The following HSD17B14 variants were observed in gnomAD, a reference collection of about 807,000 sequenced individuals.
HSD17B14 encodes hydroxysteroid 17-beta dehydrogenase 14, also known as L-fucose dehydrogenase.
A neutral mutation model predicts 32.2 loss-of-function variants in HSD17B14; 32 were observed. The ratio of observed to expected loss-of-function variants is 0.99; its 90% CI spans 0.75 to 1.33. HSD17B14 has a LOEUF of 1.33. Among genes scored for constraint, HSD17B14 ranks in the 40% most tolerant of loss-of-function variants. HSD17B14 has a pLI of 0.00. For synonymous variants in HSD17B14, 140 were observed against 155.4 expected (o/e 0.90, Z 0.74); for missense variants, 370 against 366.5 (o/e 1.01, Z -0.08).
At chr19:48,825,911 C>T (rs918621228) in intron 5 of HSD17B14, among the ~76,000 whole-genome samples, 5 of 152,100 alleles carry the variant, frequency 3.3e-5, no homozygotes, top group Non-Finnish European at 5.9e-5. Context: ...AGCTCCGCCT[C>T]CTGGGTTCAC....
chr19:48,820,527 G>T (rs1254477811), intron 5 of HSD17B14, among the ~76,000 whole-genome samples: 1 of 151,448 alleles, frequency 6.6e-6, no homozygotes, highest in Non-Finnish European at 1.5e-5. Context: ...AGGACTGAAT[G>T]GATAGATTTT....
chr19:48,835,580 G>A (rs2035482460), intron 2 of HSD17B14, among the ~76,000 whole-genome samples: 1 of 148,236 alleles, frequency 6.7e-6, no homozygotes, highest in Admixed American at 6.7e-5. Flanking sequence ...TGGGTCTGAG[G>A]GAGGAGGGGC....
intron 2 of HSD17B14, among the ~76,000 whole-genome samples, chr19:48,835,373 G>GCC (rs2035470248): frequency 1.6e-5 from 2 of 122,884 alleles, no homozygotes; most frequent in Admixed American, 1.6e-4. Context: ...AGGAGGGGCT[G>GCC]AGGTCTGGAC....
chr19:48,817,268 C>G (rs1050122182), intron 5 of HSD17B14, among the ~76,000 whole-genome samples: 3 of 151,862 alleles, frequency 2.0e-5, no homozygotes, highest in African/African-American at 7.3e-5. Flanking sequence ...ACCTCCTCCC[C>G]CCAGGTTCAA....
chr19:48,830,541 G>A (rs115358857), intron 5 of HSD17B14, among the ~76,000 whole-genome samples: 2,343 of 152,104 alleles, frequency 0.015, 59 homozygotes, highest in African/African-American at 0.053. Flanking sequence ...AATTTTGAGC[G>A]CTAGCCGTCT....
intron 5 of HSD17B14, among the ~76,000 whole-genome samples, chr19:48,822,345 T>G (rs144872013): frequency 5.8e-5 from 7 of 119,816 alleles, no homozygotes; most frequent in Non-Finnish European, 9.0e-5. Context: ...ATGATGGTGG[T>G]GATGATGGTG....
intron 5 of HSD17B14, among the ~76,000 whole-genome samples, chr19:48,828,097 G>A (rs921154443): frequency 9.2e-5 from 14 of 151,810 alleles, no homozygotes; most frequent in Admixed American, 2.6e-4. Flanking sequence ...CTCGTGATCC[G>A]CCGGCCTCGG....
At chr19:48,831,645 G>A (rs748943820) in intron 5 of HSD17B14, 23 bp downstream of exon 5, 1 of 1,580,256 alleles carries the variant, frequency 6.3e-7, no homozygotes, top group South Asian at 1.1e-5. Flanking sequence ...CTCGGGCCTG[G>A]CGGCAGGGTC....
intron 5 of HSD17B14, among the ~76,000 whole-genome samples, chr19:48,827,878 G>A (rs1363844354): frequency 2.4e-4 from 28 of 115,644 alleles, no homozygotes; most frequent in South Asian, 5.3e-4. Flanking sequence ...TTTTTGAGAC[G>A]GAGTCTCGCT....
intron 5 of HSD17B14, among the ~76,000 whole-genome samples, chr19:48,827,135 T>G (rs2035264526): frequency 6.6e-6 from 1 of 151,136 alleles, no homozygotes; most frequent in African/African-American, 2.4e-5. Context: ...CTCTGCCTCC[T>G]GGGTTCATGA....
chr19:48,815,086 A>G lies in HSD17B14; in HGVS notation c.425T>C (p.Leu142Pro). The G allele has an allele frequency of 6.2e-7, 1 of 1,614,040 alleles. No homozygotes were observed. Among genetic ancestry groups the G allele is most frequent in the Non-Finnish European group, 8.5e-7 (1 of 1,179,966 alleles). Residue 142 changes from leucine to proline, a missense_variant, in exon 6 of 9, where the codon CTG (leucine) becomes CCG (proline). Physicochemically the swap from Leu to Pro is moderately conservative, Grantham distance 98. Transcript: ENST00000263278. ...SQGNVINISS[L>P]VGAIGQAQAV... ...CTGGGCCTGGCCGATTGCCCCCACC[A>G]GGCTGGAGATGTTGATGACATTCCC...
chr19:48,831,848 G>A, intron 4 of HSD17B14, 89 bp from the exon 5 acceptor site: 1 of 755,374 alleles, frequency 1.3e-6, no homozygotes, highest in Admixed American at 2.2e-5. Flanking sequence ...GGGAGGCTGA[G>A]GCAGGCGGAT....
intron 2 of HSD17B14, among the ~76,000 whole-genome samples, 173 bp from the exon 3 acceptor site, chr19:48,834,531 C>T (rs1206208117): frequency 2.4e-4 from 20 of 85,046 alleles, no homozygotes; most frequent in African/African-American, 1.6e-3. Flanking sequence ...GCCTGGGGGC[C>T]TGGACTCCTG....
intron 6 of HSD17B14, among the ~76,000 whole-genome samples, 184 bp downstream of exon 6, chr19:48,814,851 AAG>A (rs541516179): frequency 0.034 from 4,306 of 126,404 alleles, 209 homozygotes; most frequent in African/African-American, 0.11. Context: ...AAAAAAAAAA[AAG>A]AAAAGAAAAG....
At chr19:48,817,567 A>G (rs2035078119) in intron 5 of HSD17B14, among the ~76,000 whole-genome samples, 1 of 151,446 alleles carries the variant, frequency 6.6e-6, no homozygotes, top group Non-Finnish European at 1.5e-5. Flanking sequence ...TGTGTCACAC[A>G]CTCCCTTCTG....
At chr19:48,826,393 C>T (rs1265616909) in intron 5 of HSD17B14, among the ~76,000 whole-genome samples, 1 of 145,344 alleles carries the variant, frequency 6.9e-6, no homozygotes, top group African/African-American at 2.5e-5. Flanking sequence ...CCTCGGGAGG[C>T]TGAGGCAGGA....
chr19:48,835,846 G>C lies in HSD17B14; in HGVS notation c.89-3C>G, dbSNP rs1250953711. The C allele has an allele frequency of 6.2e-7, 1 of 1,613,228 alleles. No homozygotes were observed. The highest frequency in any genetic ancestry group is 2.2e-5 in the East Asian group (1 of 44,898). On this transcript the variant is annotated splice_region_variant and splice_polypyrimidine_tract_variant and intron_variant, in intron 1 of 8. Transcript: ENST00000263278. Reference sequence around the variant, plus strand: ...AACCACTCGGGCCCCGCTGTTCACTGAGAATAGGAAGGGAACAGGTTACTC... The same window carrying C: ...AACCACTCGGGCCCCGCTGTTCACTCAGAATAGGAAGGGAACAGGTTACTC...
At chr19:48,834,113 G>A (rs2035401874) in intron 3 of HSD17B14, among the ~76,000 whole-genome samples, 163 bp downstream of exon 3, 1 of 152,244 alleles carries the variant, frequency 6.6e-6, no homozygotes, top group Non-Finnish European at 1.5e-5. Context: ...ATCAGTCACA[G>A]AAGACCTTGT....
At position 48,836,366 on chromosome 19, in the gene HSD17B14, C is replaced by G; in HGVS notation, c.46G>C (p.Gly16Arg). The change falls in exon 1 of 9, where the codon GGG becomes CGG. Residue 16 changes from glycine (G) to arginine (R), a missense_variant. Physicochemically the swap from Gly to Arg is moderately radical, Grantham distance 125 (BLOSUM62 -2). Transcript: ENST00000263278. ...CCAGCTCCGATGCCGCGCCCGCCCCCGGTCACGACCACCACCTTCCCGGCA... is the reference window on the plus strand; with the variant it reads ...CCAGCTCCGATGCCGCGCCCGCCCCGGGTCACGACCACCACCTTCCCGGCA... The part of the protein sequence containing the change: ...RYAGKVVVVT[G>R]GGRGIGAGIV... 4 of 1,613,950 alleles carry G rather than the reference C, an allele frequency of 2.5e-6. No homozygotes were observed. The highest frequency in any genetic ancestry group is 2.5e-6 in the Non-Finnish European group (3 of 1,179,984).
Sources: gnomAD v4.1 joint callset for allele counts (sites outside exome capture counted in the v4.1 genomes callset) on GRCh38, gnomAD v4.1.1 for gene constraint, MANE v1.5 for transcripts, NCBI Gene and HGNC (gene_info 2026-07-23, HGNC 2026-07-21) for gene names.